Variants in MACROH2A1 observed in about 807,000 individuals in gnomAD.
MACROH2A1 encodes the protein core histone macro-H2A.1.
A neutral mutation model predicts 31.6 loss-of-function variants in MACROH2A1; 2 were observed. The observed-to-expected ratio is 0.06, with a 90% confidence interval of 0.03 to 0.20. The LOEUF (loss-of-function observed/expected upper bound fraction) is 0.20, where lower values mean the gene tolerates loss of function less well. MACROH2A1 is among the 10% of genes least tolerant of loss of function. MACROH2A1 has a pLI of 1.00. For missense variants in MACROH2A1, 230 were observed against 474.0 expected (o/e 0.49, Z 4.78); for synonymous variants, 169 against 189.6 (o/e 0.89, Z 0.89).
intron 4 of MACROH2A1, among the ~76,000 whole-genome samples, chr5:135,364,360 G>A (rs1046190217): frequency 6.6e-6 from 1 of 151,164 alleles, no homozygotes; most frequent in African/African-American, 2.5e-5. Flanking sequence ...TGCACATTGT[G>A]CACATGTATA....
chr5:135,352,360 A>G (rs573705912), intron 6 of MACROH2A1, among the ~76,000 whole-genome samples: 52 of 152,362 alleles, frequency 3.4e-4, no homozygotes, highest in Admixed American at 3.4e-3. Flanking sequence ...GTTTTCCTCC[A>G]TAAGAACTCA....
intron 5 of MACROH2A1, chr5:135,359,821 G>T (rs1762612122): frequency 1.0e-6 from 1 of 954,704 alleles, no homozygotes; most frequent in African/African-American, 1.8e-5. Flanking sequence ...TGTCAATAAA[G>T]AAATATTAGT....
At chr5:135,387,001 T>C (rs148254102) in intron 2 of MACROH2A1, among the ~76,000 whole-genome samples, 1 of 152,232 alleles carries the variant, frequency 6.6e-6, no homozygotes, top group African/African-American at 2.4e-5. Context: ...CAGCCTGGAG[T>C]TGGAGTAGGG....
At chr5:135,344,166 G>A (rs1244557705) in intron 7 of MACROH2A1, 2 of 152,592 alleles carry the variant, frequency 1.3e-5, no homozygotes, top group African/African-American at 4.8e-5. Context: ...TAAGGACACA[G>A]GCCTGGGGTC....
chr5:135,359,614 G>A (rs928900497), intron 5 of MACROH2A1: 5 of 984,430 alleles, frequency 5.1e-6, no homozygotes, highest in Middle Eastern at 5.2e-4. Flanking sequence ...TGACGTGAGC[G>A]AGGGAACCGT....
At chr5:135,375,568 T>G (rs1764753544) in intron 2 of MACROH2A1, among the ~76,000 whole-genome samples, 1 of 152,204 alleles carries the variant, frequency 6.6e-6, no homozygotes, top group Non-Finnish European at 1.5e-5. Context: ...AGAATTAGAC[T>G]CCTAACAGCT....
intron 2 of MACROH2A1, among the ~76,000 whole-genome samples, chr5:135,384,992 G>A (rs971056040): frequency 1.3e-5 from 2 of 152,210 alleles, no homozygotes; most frequent in Admixed American, 1.3e-4. Flanking sequence ...TGCTTCAGAA[G>A]CACCTAGTCC....
chr5:135,367,626 A>G (rs1248154707), intron 4 of MACROH2A1, among the ~76,000 whole-genome samples: 1 of 152,240 alleles, frequency 6.6e-6, no homozygotes, highest in Admixed American at 6.5e-5. Context: ...AGACACTGGC[A>G]TCTGAGAGAC....
At chr5:135,341,525 T>G (rs1186864880) in intron 8 of MACROH2A1, among the ~76,000 whole-genome samples, 1 of 152,212 alleles carries the variant, frequency 6.6e-6, no homozygotes, top group East Asian at 1.9e-4. Flanking sequence ...CTGGTACTGG[T>G]GGGTCCTGCC....
chr5:135,339,039 C>G (rs1341868927), intron 8 of MACROH2A1, among the ~76,000 whole-genome samples: 1 of 152,210 alleles, frequency 6.6e-6, no homozygotes, highest in Admixed American at 6.5e-5. Flanking sequence ...TTTCCACTCT[C>G]TCTTCAGCCC....
In MACROH2A1 at chr5:135,339,095, C is replaced by T. The variant is rs561005409; in HGVS notation, c.954-3954G>A. On this transcript the variant is annotated intron_variant, in intron 8 of 8. Transcript: ENST00000511689. ...TGTTTATGGCATGTTCCTTAAGTTC[C>T]TCTGGAGTCAAGAGTTTCCTACACC... Among the ~76,000 whole-genome samples, 5 of 152,276 alleles carry T rather than the reference C, an allele frequency of 3.3e-5. No individual in the cohort carries two copies. In the South Asian group the frequency reaches 1.0e-3, roughly 32 times the overall value.
At chr5:135,336,516 A>AACCACAGAGCACG (rs1554085698) in intron 8 of MACROH2A1, among the ~76,000 whole-genome samples, 3 of 151,812 alleles carry the variant, frequency 2.0e-5, no homozygotes, top group African/African-American at 7.3e-5. Flanking sequence ...GCAGCTCCTC[A>AACCACAGAGCACG]GCCACAGAGC....
chr5:135,355,303 G>A (rs1448139113), intron 5 of MACROH2A1: 1 of 455,152 alleles, frequency 2.2e-6, no homozygotes, highest in Admixed American at 2.4e-5. Context: ...CTTCCCTTCT[G>A]ACCAGAGGCA....
intron 1 of MACROH2A1, among the ~76,000 whole-genome samples, chr5:135,389,500 C>T (rs1195271183): frequency 6.6e-6 from 1 of 152,114 alleles, no homozygotes; most frequent in Non-Finnish European, 1.5e-5. Flanking sequence ...ACAGCTATGA[C>T]ACCCTCCCCT....
intron 6 of MACROH2A1, among the ~76,000 whole-genome samples, chr5:135,348,867 C>T (rs1001138026): frequency 6.6e-6 from 1 of 152,198 alleles, no homozygotes; most frequent in Non-Finnish European, 1.5e-5. Flanking sequence ...CAGATTGCTC[C>T]TGTGGCTTGG....
chr5:135,343,091 T>C (rs1561575549), intron 8 of MACROH2A1, 169 bp downstream of exon 8: 2 of 1,485,050 alleles, frequency 1.3e-6, no homozygotes, highest in Non-Finnish European at 1.8e-6. Context: ...TCTCTAATTG[T>C]CCCTCACCAT....
chr5:135,338,048 A>G, intron 8 of MACROH2A1: 2 of 1,119,260 alleles, frequency 1.8e-6, no homozygotes, highest in South Asian at 1.9e-5. Context: ...GGTGGGCCTC[A>G]AAATGTCTTG....
At chr5:135,337,714 A>C (rs1759010202) in intron 8 of MACROH2A1, among the ~76,000 whole-genome samples, 1 of 152,244 alleles carries the variant, frequency 6.6e-6, no homozygotes, top group Non-Finnish European at 1.5e-5. Flanking sequence ...GGGTGGACCC[A>C]GATGTTGAGG....
At chr5:135,368,016 G>C (rs917093740) in intron 4 of MACROH2A1, among the ~76,000 whole-genome samples, 2 of 152,228 alleles carry the variant, frequency 1.3e-5, no homozygotes, top group African/African-American at 4.8e-5. Flanking sequence ...TTGTGAGCTA[G>C]ATGGAATGCA....
Sources: gnomAD v4.1 joint callset for allele counts (sites outside exome capture counted in the v4.1 genomes callset) on GRCh38, gnomAD v4.1.1 for gene constraint, MANE v1.5 for transcripts, NCBI Gene and HGNC (gene_info 2026-07-23, HGNC 2026-07-21) for gene names.